The following SRGAP3 variants were observed in gnomAD, a reference collection of about 807,000 sequenced individuals.
The protein encoded by SRGAP3 is SLIT-ROBO Rho GTPase activating protein 3, also known as SLIT-ROBO Rho GTPase-activating protein 3.
In SRGAP3, 39 loss-of-function variants were observed where a neutral mutation model predicts 121.1. That is an observed-to-expected ratio of 0.32 (90% CI 0.25 to 0.42). SRGAP3 has a LOEUF of 0.42. Among genes scored for constraint, SRGAP3 ranks in the 10% least tolerant of loss-of-function variants. The probability of loss-of-function intolerance (pLI) is 1.00; values close to 1 mark genes in which losing one functional copy is unlikely to be tolerated. For missense variants in SRGAP3, 1,213 were observed against 1,470.6 expected, an observed-to-expected ratio of 0.82 and a Z score of 2.86; for synonymous variants, 601 against 570.0, an observed-to-expected ratio of 1.05 and a Z score of -0.77.
At chr3:9,206,055 G>A (rs550834867) in intron 1 of SRGAP3, among the ~76,000 whole-genome samples, 8 of 152,214 alleles carry the variant, frequency 5.3e-5, no homozygotes, top group Admixed American at 2.6e-4. Flanking sequence ...TAGTGGTGAC[G>A]GTTGCATGAC....
rs145399817 is a variant in SRGAP3 at position 9,159,940 on chromosome 3, G to T, written c.68-35023C>A. Among the ~76,000 whole-genome samples, 1,032 of 152,252 alleles carry T rather than the reference G, an allele frequency of 6.8e-3. 11 individuals are homozygous for T. The highest frequency in any genetic ancestry group is 0.023 in the African/African-American group (970 of 41,552). Reference sequence around the variant, plus strand: ...CTGCCTGTAAGGCCCACCTGAGAAGGAATGGACACTCATCTCTCCCATCAT... The same window carrying T: ...CTGCCTGTAAGGCCCACCTGAGAAGTAATGGACACTCATCTCTCCCATCAT... On this transcript the variant is annotated intron_variant, in intron 1 of 21. Transcript: ENST00000383836.
chr3:9,133,951 G>C (rs772572051), intron 1 of SRGAP3, among the ~76,000 whole-genome samples: 7 of 152,224 alleles, frequency 4.6e-5, no homozygotes, highest in Non-Finnish European at 8.8e-5. Context: ...CTAGGTATCA[G>C]GAAGGGGCTT....
At chr3:9,058,088 G>T (rs1421997769) in intron 7 of SRGAP3, among the ~76,000 whole-genome samples, 163 bp downstream of exon 7, 2 of 152,188 alleles carry the variant, frequency 1.3e-5, no homozygotes, top group South Asian at 2.1e-4. Flanking sequence ...CAAGATGAGG[G>T]TATTAGTGGT....
intron 12 of SRGAP3, 141 bp from the exon 13 acceptor site, chr3:9,027,136 C>A: frequency 1.3e-6 from 1 of 796,608 alleles, no homozygotes; most frequent in Non-Finnish European, 2.2e-6. Flanking sequence ...ACTGCTAATC[C>A]TAAAGTCTCC....
chr3:9,307,314 G>A (rs1222766612), intron 3 of SRGAP3, among the ~76,000 whole-genome samples: 2 of 152,144 alleles, frequency 1.3e-5, no homozygotes, highest in Non-Finnish European at 2.9e-5. Context: ...CTCCAGCACC[G>A]CCAGGGCATC....
intron 3 of SRGAP3, among the ~76,000 whole-genome samples, chr3:9,095,435 A>C (rs1947928893): frequency 6.6e-6 from 1 of 152,158 alleles, no homozygotes; most frequent in Admixed American, 6.5e-5. Context: ...TTAGCACCTT[A>C]AGCTTTCCAG....
chr3:9,224,198 T>C (rs1204117839), intron 1 of SRGAP3, among the ~76,000 whole-genome samples: 1 of 152,124 alleles, frequency 6.6e-6, no homozygotes, highest in Admixed American at 6.5e-5. Context: ...ATAGAACAAC[T>C]CATTTAGACA....
chr3:9,025,460 C>T (rs943527445), intron 13 of SRGAP3, 122 bp from the exon 14 acceptor site: 4 of 1,116,046 alleles, frequency 3.6e-6, no homozygotes, highest in Non-Finnish European at 5.3e-6. Flanking sequence ...TCCTTTATAA[C>T]AGAGTCGTTC....
intron 1 of SRGAP3, among the ~76,000 whole-genome samples, chr3:9,226,794 T>C (rs1319091554): frequency 1.3e-5 from 2 of 152,188 alleles, no homozygotes; most frequent in Non-Finnish European, 2.9e-5. Flanking sequence ...TCTCAGATTG[T>C]TTTCAGAGGA....
chr3:9,003,060 G>A (rs1032848262), intron 18 of SRGAP3, among the ~76,000 whole-genome samples: 1 of 152,050 alleles, frequency 6.6e-6, no homozygotes, highest in Non-Finnish European at 1.5e-5. Context: ...AGAAGAGAAG[G>A]GAACACTGCT....
chr3:9,153,320 A>C (rs73118619), intron 1 of SRGAP3, among the ~76,000 whole-genome samples: 4,200 of 152,296 alleles, frequency 0.028, 214 homozygotes, highest in African/African-American at 0.096. Flanking sequence ...TTTGCCTAGC[A>C]TTTTACAAGG....
intron 3 of SRGAP3, among the ~76,000 whole-genome samples, chr3:9,089,306 G>T (rs1193805452): frequency 2.1e-5 from 2 of 94,394 alleles, no homozygotes; most frequent in African/African-American, 3.7e-5. Flanking sequence ...GGGGGGGGGG[G>T]GGCTGGAGGC....
intron 1 of SRGAP3, among the ~76,000 whole-genome samples, chr3:9,339,330 G>A (rs1184589873): frequency 5.9e-5 from 9 of 152,200 alleles, no homozygotes; most frequent in Non-Finnish European, 1.0e-4. Flanking sequence ...AAAGAAGCAG[G>A]CATGGTCCCT....
rs1326492705 is a variant in SRGAP3, at chr3:9,242,674, G to C, written c.67+6211C>G. ...AAACAAAACAAAAACACTGAGCTAT[G>C]AGTTATAAGATTAAAACTTTTTCTT... On this transcript the variant is annotated intron_variant, in intron 1 of 21. Transcript: ENST00000383836. 2.6e-5 allele frequency among the ~76,000 whole-genome samples: 4 copies of C among 152,246 alleles called. No individual in the cohort carries two copies. The East Asian group carries it at 5.8e-4, about 22-fold the overall frequency.
At chr3:9,045,522 A>T (rs1455640687) in intron 10 of SRGAP3, among the ~76,000 whole-genome samples, 1 of 152,008 alleles carries the variant, frequency 6.6e-6, no homozygotes, top group Non-Finnish European at 1.5e-5. Flanking sequence ...GATGATGATG[A>T]TGATGATGAT....
At position 9,190,830 on chromosome 3, in the gene SRGAP3, T is replaced by C. The variant is rs556308547; in HGVS notation, c.67+58055A>G. On this transcript the variant is annotated intron_variant, in intron 1 of 21. Transcript: ENST00000383836. ...TGTGTAGGATCAAAGGAAAGTCAAG[T>C]GGTATGTCACATCCCAGGGCTGGGG... Among the ~76,000 whole-genome samples, 7 of 152,252 alleles carry C rather than the reference T, an allele frequency of 4.6e-5. No individual in the cohort carries two copies. The South Asian group carries it at 1.4e-3, about 32-fold the overall frequency.
intron 20 of SRGAP3, among the ~76,000 whole-genome samples, chr3:8,991,848 G>A (rs1942071972): frequency 6.6e-6 from 1 of 152,122 alleles, no homozygotes; most frequent in Non-Finnish European, 1.5e-5. Context: ...TGCCCCAGCA[G>A]GACCAAAGCA....
intron 1 of SRGAP3, among the ~76,000 whole-genome samples, chr3:9,216,001 C>T (rs534802559): frequency 1.3e-5 from 2 of 152,320 alleles, no homozygotes; most frequent in African/African-American, 4.8e-5. Flanking sequence ...GACAGATAGA[C>T]ACACAGATAG....
intron 1 of SRGAP3, among the ~76,000 whole-genome samples, chr3:9,130,358 T>C (rs1949399872): frequency 6.6e-6 from 1 of 152,234 alleles, no homozygotes; most frequent in Admixed American, 6.5e-5. Flanking sequence ...CCCTCTTAGA[T>C]GGTCTACCTG....
Sources: allele counts gnomAD v4.1 joint callset (sites outside exome capture counted in the v4.1 genomes callset), GRCh38; gene constraint gnomAD v4.1.1; transcripts MANE v1.5; gene names NCBI Gene and HGNC (gene_info 2026-07-23, HGNC 2026-07-21).